Variants in RAD51B observed in about 807,000 individuals in gnomAD.
RAD51B encodes RAD51 paralog B.
Under a neutral mutation model 42.2 loss-of-function variants are expected in RAD51B, and 38 were observed. The ratio of observed to expected loss-of-function variants is 0.90; its 90% CI spans 0.70 to 1.18. RAD51B has a LOEUF of 1.18. Among genes scored for constraint, RAD51B ranks in the 50% most tolerant of loss-of-function variants. RAD51B has a pLI of 0.00. For missense variants in RAD51B, 373 were observed against 400.7 expected (o/e 0.93, Z 0.59); for synonymous variants, 154 against 145.2 (o/e 1.06, Z -0.43).
chr14:68,125,638 A>T (rs939931724), intron 7 of RAD51B, among the ~76,000 whole-genome samples: 3 of 152,168 alleles, frequency 2.0e-5, no homozygotes, highest in African/African-American at 7.2e-5. Flanking sequence ...GTGCAATTTG[A>T]CTGTGGTCAG....
chr14:67,942,614 C>T (rs1774132044), intron 7 of RAD51B, among the ~76,000 whole-genome samples: 1 of 152,270 alleles, frequency 6.6e-6, no homozygotes, highest in African/African-American at 2.4e-5. Flanking sequence ...AATATGGTGG[C>T]AGACACACTG....
chr14:68,269,886 T>G (rs1043827595), intron 7 of RAD51B, among the ~76,000 whole-genome samples: 8 of 152,210 alleles, frequency 5.3e-5, no homozygotes, highest in African/African-American at 1.9e-4. Context: ...AGGGCTGTTG[T>G]CCAGTAGTGG....
intron 10 of RAD51B, among the ~76,000 whole-genome samples, chr14:68,630,189 A>G (rs1239363983): frequency 6.6e-6 from 1 of 151,186 alleles, no homozygotes; most frequent in East Asian, 1.9e-4. Flanking sequence ...TCACAAGCTT[A>G]GAGACGTAAG....
intron 9 of RAD51B, among the ~76,000 whole-genome samples, chr14:68,426,399 A>G (rs1350276444): frequency 6.6e-6 from 1 of 152,180 alleles, no homozygotes; most frequent in Non-Finnish European, 1.5e-5. Context: ...CTGATGAGGT[A>G]TCAGACAGAA....
intron 10 of RAD51B, among the ~76,000 whole-genome samples, chr14:68,538,249 C>G (rs1019224362): frequency 2.0e-5 from 3 of 152,176 alleles, no homozygotes; most frequent in African/African-American, 7.2e-5. Context: ...GCCAGAGGGA[C>G]AGCCAAGGGG....
In RAD51B at chr14:68,621,853, C is replaced by T. The variant is rs144467869; in HGVS notation, c.1037-28928C>T. On this transcript the variant is annotated intron_variant, in intron 10 of 11. Coordinates refer to the RAD51B transcript ENST00000488612. ...TCAGTGGTGACGTGGGTTCTGTGCA[C>T]AGTGACAATGAGTGTAATTGAACCC... Among the ~76,000 whole-genome samples, 1,151 of 152,360 alleles carry T rather than the reference C, an allele frequency of 7.6e-3. 9 individuals carry two copies. Among genetic ancestry groups the T allele is most frequent in the Middle Eastern group, 0.02 (6 of 294 alleles).
At chr14:68,428,025 G>A (rs915578505) in intron 9 of RAD51B, among the ~76,000 whole-genome samples, 1 of 152,122 alleles carries the variant, frequency 6.6e-6, no homozygotes, top group Non-Finnish European at 1.5e-5. Context: ...AAAAATTTGA[G>A]TTTTGTTTCT....
intron 7 of RAD51B, among the ~76,000 whole-genome samples, chr14:67,890,046 C>G (rs555737039): frequency 6.6e-6 from 1 of 152,112 alleles, no homozygotes; most frequent in Non-Finnish European, 1.5e-5. Flanking sequence ...ACAGTAGGCT[C>G]TGAAGCTGTT....
intron 10 of RAD51B, among the ~76,000 whole-genome samples, chr14:68,508,639 C>A (rs959520600): frequency 6.6e-6 from 1 of 152,264 alleles, no homozygotes; most frequent in Non-Finnish European, 1.5e-5. Flanking sequence ...CAGGCCTGGT[C>A]CTGCAGGAAA....
At chr14:68,453,634 AGG>A (rs1484951446) in intron 9 of RAD51B, among the ~76,000 whole-genome samples, 1 of 152,182 alleles carries the variant, frequency 6.6e-6, no homozygotes, top group Non-Finnish European at 1.5e-5. Context: ...TTATTAAAAC[AGG>A]GGATTATGCC....
intron 8 of RAD51B, among the ~76,000 whole-genome samples, chr14:68,335,000 T>G (rs1595721149): frequency 6.8e-6 from 1 of 147,600 alleles, no homozygotes; most frequent in African/African-American, 2.5e-5. Flanking sequence ...CTGAAGAAAA[T>G]ATAGAAAATA....
chr14:68,503,900 A>T (rs1885096135), intron 10 of RAD51B, among the ~76,000 whole-genome samples: 1 of 152,110 alleles, frequency 6.6e-6, no homozygotes, highest in Non-Finnish European at 1.5e-5. Context: ...ATAGCTAACA[A>T]AGTTTATGCA....
At chr14:68,560,629 G>A (rs977783839) in intron 10 of RAD51B, among the ~76,000 whole-genome samples, 8 of 152,090 alleles carry the variant, frequency 5.3e-5, no homozygotes, top group Admixed American at 4.6e-4. Context: ...CCAGCTACTC[G>A]GGAGAGTGAG....
intron 8 of RAD51B, among the ~76,000 whole-genome samples, chr14:68,393,738 G>A (rs1034363126): frequency 2.0e-5 from 3 of 152,200 alleles, no homozygotes; most frequent in Admixed American, 2.0e-4. Context: ...CTAGCCCCAG[G>A]TAAAGGTGAA....
intron 7 of RAD51B, among the ~76,000 whole-genome samples, chr14:67,910,977 A>T (rs992733093): frequency 6.6e-6 from 1 of 151,862 alleles, no homozygotes; most frequent in Admixed American, 6.6e-5. Flanking sequence ...ACACCCGGCT[A>T]ATTTTTGTAT....
At chr14:68,578,050 C>A (rs935718860) in intron 10 of RAD51B, among the ~76,000 whole-genome samples, 1 of 152,244 alleles carries the variant, frequency 6.6e-6, no homozygotes, top group African/African-American at 2.4e-5. Flanking sequence ...TTGTCGAACA[C>A]GTTGCTGCCT....
At chr14:67,998,070 G>A (rs1425747796) in intron 7 of RAD51B, among the ~76,000 whole-genome samples, 2 of 152,188 alleles carry the variant, frequency 1.3e-5, no homozygotes, top group East Asian at 3.8e-4. Context: ...GGCTCTCAAA[G>A]TGTGGTACCT....
chr14:68,372,720 A>G (rs1399555325), intron 8 of RAD51B, among the ~76,000 whole-genome samples: 1 of 152,238 alleles, frequency 6.6e-6, no homozygotes, highest in Non-Finnish European at 1.5e-5. Context: ...AGGTATACTC[A>G]TAAGCCCAAC....
intron 10 of RAD51B, among the ~76,000 whole-genome samples, chr14:68,527,717 A>G (rs1356325021): frequency 6.6e-6 from 1 of 152,268 alleles, no homozygotes; most frequent in East Asian, 1.9e-4. Flanking sequence ...CATCAGATGT[A>G]CAATATATGA....
Sources: allele counts gnomAD v4.1 joint callset (sites outside exome capture counted in the v4.1 genomes callset), GRCh38; gene constraint gnomAD v4.1.1; transcripts MANE v1.5; gene names NCBI Gene and HGNC (gene_info 2026-07-23, HGNC 2026-07-21).